Variants in SEZ6L observed in about 807,000 individuals in gnomAD.
SEZ6L encodes the protein seizure 6-like protein.
In SEZ6L, 37 loss-of-function variants were observed where a neutral mutation model predicts 106.2. The observed-to-expected ratio is 0.35, with a 90% CI of 0.27 to 0.46. SEZ6L has a LOEUF of 0.46. Ranked by LOEUF, SEZ6L falls within the 20% of genes least tolerant of loss-of-function variation. The pLI is 1.00. For missense variants in SEZ6L, 1,172 were observed against 1,332.8 expected, an observed-to-expected ratio of 0.88 and a Z score of 1.88; for synonymous variants, 541 against 570.4, an observed-to-expected ratio of 0.95 and a Z score of 0.73.
intron 1 of SEZ6L, among the ~76,000 whole-genome samples, chr22:26,234,447 C>T (rs138009351): frequency 2.6e-5 from 4 of 152,338 alleles, no homozygotes; most frequent in Non-Finnish European, 4.4e-5. Flanking sequence ...TCGGAATTAG[C>T]AGACCTTTTT....
intron 9 of SEZ6L, 38 bp from the exon 10 acceptor site, chr22:26,340,398 C>G (rs374865260): frequency 1.1e-5 from 17 of 1,562,826 alleles, no homozygotes; most frequent in Non-Finnish European, 1.5e-5. Flanking sequence ...TGCCCATTCT[C>G]TATTTCACAT....
intron 9 of SEZ6L, among the ~76,000 whole-genome samples, chr22:26,315,039 G>T (rs988914868): frequency 6.6e-6 from 1 of 152,248 alleles, no homozygotes; most frequent in East Asian, 1.9e-4. Flanking sequence ...CGGGAGGGTG[G>T]TTGGGGGCGG....
At position 26,380,811 on chromosome 22, in the gene SEZ6L, T is replaced by G. The variant is rs1163007786; in HGVS notation, c.*516T>G. On this transcript the variant is annotated 3_prime_UTR_variant, in exon 17 of 17. Transcript: ENST00000248933. Reference sequence around the variant, plus strand: ...CAAATTCTGTGTCCTCTCTTCCCATTTTGCCAGCTTCTGAAAGGTTTTTCC... The same window carrying G: ...CAAATTCTGTGTCCTCTCTTCCCATGTTGCCAGCTTCTGAAAGGTTTTTCC... 2 of 152,914 alleles carry G rather than the reference T, an allele frequency of 1.3e-5. No individual in the cohort carries two copies. The highest frequency in any genetic ancestry group is 3.8e-4 in the East Asian group (2 of 5,220). 9.5% of individuals were successfully genotyped at this position (152,914 alleles called of 1,614,324 possible). A position where few individuals can be genotyped will look rare whatever the true frequency, so the allele number is the denominator to read the frequency against.
chr22:26,250,171 T>C lies in SEZ6L; in HGVS notation c.95-42235T>C, dbSNP rs185221834. 2.1e-3 allele frequency among the ~76,000 whole-genome samples: 317 copies of C among 152,346 alleles called. 1 individual carries two copies. The highest frequency in any genetic ancestry group is 7.3e-3 in the African/African-American group (303 of 41,582). Reference sequence around the variant, plus strand: ...GCTGTGTAGAAGCTTTTTAGTTTGATATAATTCCATTTGTCTATTTTTGCT... The same window carrying C: ...GCTGTGTAGAAGCTTTTTAGTTTGACATAATTCCATTTGTCTATTTTTGCT... On this transcript the variant is annotated intron_variant, in intron 1 of 16. Coordinates refer to ENST00000248933, the MANE Select transcript of SEZ6L (RefSeq NM_021115.5).
At chr22:26,314,900 G>C (rs185677283) in intron 9 of SEZ6L, among the ~76,000 whole-genome samples, 2 of 152,232 alleles carry the variant, frequency 1.3e-5, no homozygotes, top group African/African-American at 4.8e-5. Context: ...TGAAATTCAG[G>C]CTTCTGTGGC....
intron 1 of SEZ6L, among the ~76,000 whole-genome samples, chr22:26,248,379 G>A (rs2079439391): frequency 6.6e-6 from 1 of 152,134 alleles, no homozygotes; most frequent in Non-Finnish European, 1.5e-5. Context: ...GAGAGAGACA[G>A]GGTCTCACTC....
chr22:26,311,645 T>G, intron 7 of SEZ6L, 123 bp from the exon 8 acceptor site: 1 of 856,036 alleles, frequency 1.2e-6, no homozygotes, highest in Non-Finnish European at 1.9e-6. Flanking sequence ...CCAGGACACG[T>G]AATTTGGTAC....
At chr22:26,283,137 G>A (rs980939343) in intron 1 of SEZ6L, among the ~76,000 whole-genome samples, 8 of 152,050 alleles carry the variant, frequency 5.3e-5, no homozygotes, top group Admixed American at 4.6e-4. Flanking sequence ...GGCCAGGCTG[G>A]TCTTCAACTC....
At chr22:26,206,071 A>G (rs1320237876) in intron 1 of SEZ6L, among the ~76,000 whole-genome samples, 2 of 152,332 alleles carry the variant, frequency 1.3e-5, no homozygotes, top group South Asian at 2.1e-4. Context: ...ATAAATGTGC[A>G]ACTCCTTCAC....
chr22:26,211,808 A>AAAG, intron 1 of SEZ6L, among the ~76,000 whole-genome samples: 1 of 146,234 alleles, frequency 6.8e-6, no homozygotes, highest in South Asian at 2.1e-4. Context: ...CGTCTCTAAA[A>AAAG]AAAAAAAAAA....
At chr22:26,318,888 CAG>C (rs2082078481) in intron 9 of SEZ6L, among the ~76,000 whole-genome samples, 1 of 152,156 alleles carries the variant, frequency 6.6e-6, no homozygotes, top group Non-Finnish European at 1.5e-5. Flanking sequence ...AACGACAAAA[CAG>C]AAACCTTGGC....
chr22:26,371,346 T>C (rs1358325672), intron 13 of SEZ6L, among the ~76,000 whole-genome samples: 2 of 151,922 alleles, frequency 1.3e-5, no homozygotes, highest in African/African-American at 2.4e-5. Flanking sequence ...TTTCCCACAA[T>C]TGGAGCAATC....
chr22:26,215,732 G>A (rs531206945), intron 1 of SEZ6L, among the ~76,000 whole-genome samples: 13 of 152,304 alleles, frequency 8.5e-5, no homozygotes, highest in African/African-American at 2.9e-4. Flanking sequence ...CCCAGCCTGA[G>A]GTGGGTTTGG....
At chr22:26,353,715 T>C (rs1238409509) in intron 12 of SEZ6L, among the ~76,000 whole-genome samples, 1 of 152,180 alleles carries the variant, frequency 6.6e-6, no homozygotes, top group African/African-American at 2.4e-5. Context: ...AATTGTGACC[T>C]TGATTAGAAC....
chr22:26,365,160 C>A (rs983950237), intron 12 of SEZ6L, among the ~76,000 whole-genome samples: 1 of 152,208 alleles, frequency 6.6e-6, no homozygotes, highest in African/African-American at 2.4e-5. Flanking sequence ...ATTCCTCAGC[C>A]AACTTCATTC....
chr22:26,243,520 A>G (rs2079210583), intron 1 of SEZ6L, among the ~76,000 whole-genome samples: 1 of 152,234 alleles, frequency 6.6e-6, no homozygotes, highest in Non-Finnish European at 1.5e-5. Flanking sequence ...GGAAACAGCA[A>G]AAAGTCCAGG....
chr22:26,341,283 C>T (rs2082826816), intron 10 of SEZ6L, among the ~76,000 whole-genome samples: 1 of 151,940 alleles, frequency 6.6e-6, no homozygotes, highest in Non-Finnish European at 1.5e-5. Flanking sequence ...AAAAAAAAAA[C>T]CTGCTATCAA....
At position 26,279,236 on chromosome 22, in the gene SEZ6L, T is replaced by C. The variant is rs570946128; in HGVS notation, c.95-13170T>C. Among the ~76,000 whole-genome samples the C allele has an allele frequency of 5.3e-5, 8 of 152,328 alleles. 1 individual carries two copies. In the South Asian group the frequency reaches 1.4e-3, roughly 28 times the overall value. ...AAGGGATGACCATTGGATGGCTTCC[T>C]GGTTTAGGCAGACCCAGTATTGAGA... On this transcript the variant is annotated intron_variant, in intron 1 of 16. Transcript: ENST00000248933.
Position 26,295,027 on chromosome 22 carries a change from T to C in SEZ6L, c.969+602T>C, listed in dbSNP as rs146232213. On this transcript the variant is annotated intron_variant, in intron 3 of 16. Transcript: ENST00000248933. ...CATTTTATTCTTAAACTTTTGCCCA[T>C]ACAGTAAGAAAGGAAAAGCAGGGTG... 3.5e-3 allele frequency among the ~76,000 whole-genome samples: 521 copies of C among 151,014 alleles called. 8 individuals are homozygous for C. Among genetic ancestry groups the C allele is most frequent in the African/African-American group, 0.012 (501 of 40,500 alleles).
Sources: gnomAD v4.1 joint callset for allele counts (sites outside exome capture counted in the v4.1 genomes callset) on GRCh38, gnomAD v4.1.1 for gene constraint, MANE v1.5 for transcripts, NCBI Gene and HGNC (gene_info 2026-07-23, HGNC 2026-07-21) for gene names.